Variants in GRM8 observed in about 807,000 individuals in gnomAD.
The protein encoded by GRM8 is glutamate metabotropic receptor 8.
GRM8 carries 47 observed loss-of-function variants against 87.2 expected under a neutral mutation model. The ratio of observed to expected loss-of-function variants is 0.54; its 90% CI spans 0.43 to 0.69. GRM8 has a LOEUF of 0.69. Ranked by LOEUF, GRM8 falls within the 30% of genes least tolerant of loss-of-function variation. GRM8 has a pLI of 0.00. For missense variants in GRM8, 1,019 were observed against 1,139.2 expected (o/e 0.89, Z 1.52); for synonymous variants, 396 against 404.5 (o/e 0.98, Z 0.25).
intron 2 of GRM8, among the ~76,000 whole-genome samples, chr7:127,210,314 A>C (rs1224897322): frequency 6.6e-6 from 1 of 152,170 alleles, no homozygotes; most frequent in Non-Finnish European, 1.5e-5. Flanking sequence ...ACAGATTTGC[A>C]TAGTGTTTTT....
intron 9 of GRM8, among the ~76,000 whole-genome samples, chr7:126,451,856 G>T (rs1012784956): frequency 6.6e-5 from 10 of 151,610 alleles, no homozygotes; most frequent in Non-Finnish European, 1.5e-4. Flanking sequence ...ATTGAAAATT[G>T]TAACCCCCAA....
intron 10 of GRM8, among the ~76,000 whole-genome samples, chr7:126,444,709 G>A (rs1801820336): frequency 6.6e-6 from 1 of 152,034 alleles, no homozygotes; most frequent in South Asian, 2.1e-4. Context: ...ATGGAATGTA[G>A]ACCATAAGTT....
chr7:127,041,713 C>T (rs904009135), intron 3 of GRM8, among the ~76,000 whole-genome samples: 7 of 152,266 alleles, frequency 4.6e-5, no homozygotes, highest in East Asian at 1.9e-4. Context: ...AGCTATGTTC[C>T]GGAGAACAAT....
chr7:126,787,578 C>A (rs1354943440), intron 6 of GRM8, among the ~76,000 whole-genome samples: 1 of 152,090 alleles, frequency 6.6e-6, no homozygotes, highest in African/African-American at 2.4e-5. Flanking sequence ...CTTTCTCAAC[C>A]TATGAGAAAA....
intron 9 of GRM8, among the ~76,000 whole-genome samples, chr7:126,494,239 T>G (rs1362197392): frequency 2.0e-5 from 3 of 152,078 alleles, no homozygotes; most frequent in African/African-American, 7.2e-5. Context: ...ACTCTTCTGA[T>G]GCAAGTAGTG....
intron 7 of GRM8, among the ~76,000 whole-genome samples, chr7:126,635,363 T>A (rs1208256379): frequency 6.6e-6 from 1 of 152,138 alleles, no homozygotes; most frequent in East Asian, 1.9e-4. Flanking sequence ...TATTTCCCAC[T>A]ATATTTGGCT....
chr7:126,564,736 C>T (rs1439098587), intron 8 of GRM8, among the ~76,000 whole-genome samples: 1 of 152,090 alleles, frequency 6.6e-6, no homozygotes, highest in East Asian at 1.9e-4. Flanking sequence ...TTTTTTGAGG[C>T]CAGCATTACC....
rs543049908 is a variant in GRM8, at chr7:126,543,466, C to T, written c.1495-9579G>A. On this transcript the variant is annotated intron_variant, in intron 8 of 10. Coordinates refer to ENST00000339582, the MANE Select transcript of GRM8 (RefSeq NM_000845.3). ...AGTAGAAGTCAGGTCTGATTTTCCA[C>T]CACTGTGTTCCAGATCCTAACATCA... Among the ~76,000 whole-genome samples, 19 of 152,292 alleles carry T rather than the reference C, an allele frequency of 1.2e-4. No individual in the cohort carries two copies. In the South Asian group the frequency reaches 3.7e-3, roughly 30 times the overall value.
intron 6 of GRM8, among the ~76,000 whole-genome samples, chr7:126,836,932 G>C (rs565745279): frequency 6.6e-6 from 1 of 152,140 alleles, no homozygotes; most frequent in African/African-American, 2.4e-5. Context: ...TCTTAGGTAA[G>C]TCATCCAATT....
intron 7 of GRM8, among the ~76,000 whole-genome samples, chr7:126,691,987 G>A (rs548170170): frequency 6.6e-6 from 1 of 152,188 alleles, no homozygotes. Flanking sequence ...ATGAAGGACT[G>A]TATGGAGTTC....
intron 8 of GRM8, among the ~76,000 whole-genome samples, chr7:126,577,486 C>A (rs931050733): frequency 6.6e-6 from 1 of 151,954 alleles, no homozygotes; most frequent in Non-Finnish European, 1.5e-5. Flanking sequence ...CAACGAAATA[C>A]AAATTTCTGT....
chr7:127,155,651 C>CTAT (rs1792677931), intron 2 of GRM8, among the ~76,000 whole-genome samples: 1 of 152,220 alleles, frequency 6.6e-6, no homozygotes, highest in African/African-American at 2.4e-5. Context: ...TTATCTGGAA[C>CTAT]TAAATAGCAA....
intron 2 of GRM8, chr7:127,229,773 C>T (rs922835334): frequency 9.9e-5 from 15 of 152,130 alleles, no homozygotes; most frequent in African/African-American, 2.4e-4. Context: ...CTGAGATCTA[C>T]GACCACCTTT....
At chr7:127,185,735 G>A (rs1365899504) in intron 2 of GRM8, among the ~76,000 whole-genome samples, 2 of 152,176 alleles carry the variant, frequency 1.3e-5, no homozygotes, top group Admixed American at 6.5e-5. Flanking sequence ...GGGAGATTAA[G>A]AAGGAAGAGA....
At chr7:126,989,607 T>A (rs1812436180) in intron 3 of GRM8, among the ~76,000 whole-genome samples, 1 of 152,120 alleles carries the variant, frequency 6.6e-6, no homozygotes, top group South Asian at 2.1e-4. Flanking sequence ...TGTATCCACT[T>A]CAAGGGCATG....
chr7:127,247,269 C>G (rs538298405), intron 1 of GRM8, among the ~76,000 whole-genome samples: 16 of 152,304 alleles, frequency 1.1e-4, no homozygotes, highest in African/African-American at 2.9e-4. Context: ...AACACACCCA[C>G]CAACGCATGC....
chr7:126,579,778 A>T (rs955853325), intron 8 of GRM8, among the ~76,000 whole-genome samples: 4 of 152,294 alleles, frequency 2.6e-5, no homozygotes, highest in Non-Finnish European at 4.4e-5. Context: ...AAATTGTGGC[A>T]TTTAAGGAAT....
chr7:126,473,983 T>C (rs545016537), intron 9 of GRM8, among the ~76,000 whole-genome samples: 1 of 152,152 alleles, frequency 6.6e-6, no homozygotes, highest in Non-Finnish European at 1.5e-5. Flanking sequence ...CCTGTTTTTC[T>C]TTATAAATTA....
chr7:126,675,861 G>T (rs1806903733), intron 7 of GRM8, among the ~76,000 whole-genome samples: 1 of 152,180 alleles, frequency 6.6e-6, no homozygotes, highest in Non-Finnish European at 1.5e-5. Context: ...CACCACTTCT[G>T]TTCAACAGAG....
Sources: gnomAD v4.1 joint callset for allele counts (sites outside exome capture counted in the v4.1 genomes callset) on GRCh38, gnomAD v4.1.1 for gene constraint, MANE v1.5 for transcripts, NCBI Gene and HGNC (gene_info 2026-07-23, HGNC 2026-07-21) for gene names.